SORCS1: variants seen among roughly 807,000 people sequenced by gnomAD.
SORCS1 encodes VPS10 domain-containing receptor SorCS1.
Under a neutral mutation model 146.1 loss-of-function variants are expected in SORCS1, and 60 were observed. That is an observed-to-expected ratio of 0.41 (90% confidence interval 0.33 to 0.51). The LOEUF (loss-of-function observed/expected upper bound fraction) is 0.51, where lower values mean the gene tolerates loss of function less well. Among genes scored for constraint, SORCS1 ranks in the 20% least tolerant of loss-of-function variants. The pLI, the probability that SORCS1 is intolerant of heterozygous loss-of-function variation, is 0.21. For synonymous variants in SORCS1, 637 were observed against 584.0 expected (o/e 1.09, Z -1.31); for missense variants, 1,352 against 1,487.6 (o/e 0.91, Z 1.50).
Position 106,709,212 on chromosome 10 carries a change from A to G in SORCS1, c.1143+11T>C. 8.7e-6 allele frequency: 14 copies of G among 1,601,148 alleles called. No homozygotes were observed. The highest frequency in any genetic ancestry group is 1.2e-5 in the Non-Finnish European group (14 of 1,169,408). ...TTTCTGAGACAATCAACAGAAGTGG[A>G]TTTTTCCTACCTGAACAAACACATA... On this transcript the variant is annotated intron_variant, in intron 7 of 25. Coordinates refer to ENST00000263054, the MANE Select transcript of SORCS1 (RefSeq NM_052918.5).
At chr10:106,983,197 C>A (rs931291761) in intron 1 of SORCS1, among the ~76,000 whole-genome samples, 5 of 145,112 alleles carry the variant, frequency 3.4e-5, no homozygotes, top group Non-Finnish European at 7.5e-5. Context: ...TCTATATATA[C>A]ATATTTCTAT....
At chr10:106,946,265 T>C (rs924027139) in intron 2 of SORCS1, among the ~76,000 whole-genome samples, 2 of 152,354 alleles carry the variant, frequency 1.3e-5, no homozygotes, top group South Asian at 2.1e-4. Flanking sequence ...ATTTTGGGTA[T>C]GAACCAAATG....
intron 23 of SORCS1, among the ~76,000 whole-genome samples, chr10:106,604,537 C>T (rs1846445021): frequency 1.3e-5 from 2 of 152,160 alleles, no homozygotes; most frequent in African/African-American, 4.8e-5. Flanking sequence ...CTGGAATAGG[C>T]TGATACACTG....
At chr10:106,741,902 G>C (rs1019191747) in intron 5 of SORCS1, among the ~76,000 whole-genome samples, 2 of 152,206 alleles carry the variant, frequency 1.3e-5, no homozygotes, top group South Asian at 4.1e-4. Context: ...ACAGCTCAGT[G>C]CCTGGCCTGT....
At chr10:107,134,092 A>T (rs1407264460) in intron 1 of SORCS1, among the ~76,000 whole-genome samples, 1 of 152,172 alleles carries the variant, frequency 6.6e-6, no homozygotes, top group African/African-American at 2.4e-5. Context: ...GGTGACAATA[A>T]AGGAGTCAGA....
Position 106,620,454 on chromosome 10 carries a change from CG to C in SORCS1, c.2769del (p.Tyr923Ter). ...TCCGTGTTGTTTCCGTACCACCACA[CG>C]TAAGTGAGGGTGCCCACTTGGCTGG... The part of the protein sequence containing the change: ...LWPSQVGTLT[Y>X]VWWYGNNTEP... On this transcript the variant is annotated frameshift_variant, in exon 20 of 26. Coordinates refer to ENST00000263054, the MANE Select transcript of SORCS1 (RefSeq NM_052918.5). LOFTEE classifies it high-confidence loss of function. The C allele has an allele frequency of 6.2e-7, 1 of 1,613,840 alleles. No homozygotes were observed. The highest frequency in any genetic ancestry group is 8.5e-7 in the Non-Finnish European group (1 of 1,179,786).
At chr10:107,024,272 G>A (rs1463724798) in intron 1 of SORCS1, among the ~76,000 whole-genome samples, 1 of 151,934 alleles carries the variant, frequency 6.6e-6, no homozygotes, top group African/African-American at 2.4e-5. Flanking sequence ...TCTGGTAAGA[G>A]AATCAGGCTG....
intron 1 of SORCS1, among the ~76,000 whole-genome samples, chr10:107,146,697 C>T (rs1399568890): frequency 6.6e-6 from 1 of 152,146 alleles, no homozygotes; most frequent in East Asian, 1.9e-4. Flanking sequence ...GCTTTTCAGA[C>T]CCCAACTGCA....
At chr10:107,068,957 T>C (rs1428820049) in intron 1 of SORCS1, among the ~76,000 whole-genome samples, 1 of 152,018 alleles carries the variant, frequency 6.6e-6, no homozygotes, top group Non-Finnish European at 1.5e-5. Context: ...AGCAATTATA[T>C]ATATGAAACC....
intron 2 of SORCS1, among the ~76,000 whole-genome samples, chr10:106,892,526 G>T (rs922840422): frequency 6.6e-6 from 1 of 152,120 alleles, no homozygotes; most frequent in Admixed American, 6.6e-5. Context: ...GAATAACAAA[G>T]TTGTACATAC....
intron 1 of SORCS1, among the ~76,000 whole-genome samples, chr10:107,108,997 T>A (rs1330488973): frequency 6.6e-6 from 1 of 152,206 alleles, no homozygotes; most frequent in Non-Finnish European, 1.5e-5. Context: ...TTGTCCCACA[T>A]CCATGGGGGT....
intron 1 of SORCS1, among the ~76,000 whole-genome samples, chr10:107,068,154 A>G (rs1396395499): frequency 6.6e-6 from 1 of 152,000 alleles, no homozygotes; most frequent in Admixed American, 6.6e-5. Context: ...TCCCCTCCCT[A>G]GTTTGGAGGA....
chr10:106,863,963 T>C (rs932215667), intron 2 of SORCS1, among the ~76,000 whole-genome samples: 4 of 152,200 alleles, frequency 2.6e-5, no homozygotes, highest in African/African-American at 4.8e-5. Flanking sequence ...GGGTTCTTTC[T>C]GTGGCAAAGG....
At chr10:106,783,418 G>A (rs766946756) in intron 3 of SORCS1, among the ~76,000 whole-genome samples, 1 of 152,244 alleles carries the variant, frequency 6.6e-6, no homozygotes, top group East Asian at 1.9e-4. Flanking sequence ...GCACTGTTAA[G>A]TTTTGTGCAA....
the SORCS1 span, among the ~76,000 whole-genome samples, chr10:107,176,325 C>T: frequency 2.1e-5 from 2 of 94,630 alleles, no homozygotes; most frequent in African/African-American, 7.3e-5. Context: ...TTCTCTCTCT[C>T]TCTCTTTCTT....
chr10:106,895,951 G>GTATA (rs57578016), intron 2 of SORCS1, among the ~76,000 whole-genome samples: 4 of 150,852 alleles, frequency 2.7e-5, no homozygotes, highest in Admixed American at 6.6e-5. Flanking sequence ...GTGTGTGTGT[G>GTATA]TATATATATA....
In SORCS1 at chr10:106,901,552, C is replaced by A. The variant is rs1951701169; in HGVS notation, c.626+54961G>T. Reference sequence around the variant, plus strand: ...GGTTCAAGTGATCCTCCTGCCTCAGCCTCCCAAAGTACCTGAGACTAAAGG... The same window carrying A: ...GGTTCAAGTGATCCTCCTGCCTCAGACTCCCAAAGTACCTGAGACTAAAGG... On this transcript the variant is annotated intron_variant, in intron 2 of 25. Coordinates refer to ENST00000263054, the MANE Select transcript of SORCS1 (RefSeq NM_052918.5). Among the ~76,000 whole-genome samples the A allele has an allele frequency of 2.6e-5, 4 of 152,272 alleles. No individual in the cohort carries two copies. In the South Asian group the frequency reaches 8.3e-4, roughly 32 times the overall value.
At chr10:106,592,378 C>A (rs2133280145) in intron 24 of SORCS1, among the ~76,000 whole-genome samples, 1 of 152,344 alleles carries the variant, frequency 6.6e-6, no homozygotes, top group Admixed American at 6.5e-5. Context: ...ATTCAGGTAT[C>A]TGCAAATGCT....
chr10:106,597,662 A>G (rs950106794), intron 23 of SORCS1, among the ~76,000 whole-genome samples: 1 of 152,244 alleles, frequency 6.6e-6, no homozygotes, highest in Non-Finnish European at 1.5e-5. Flanking sequence ...TTGCAACAAA[A>G]TAGAAGAAAC....
Sources: gnomAD v4.1 joint callset for allele counts (sites outside exome capture counted in the v4.1 genomes callset) on GRCh38, gnomAD v4.1.1 for gene constraint, MANE v1.5 for transcripts, NCBI Gene and HGNC (gene_info 2026-07-23, HGNC 2026-07-21) for gene names.